The following ST3GAL3 variants were observed in gnomAD, a reference collection of about 807,000 sequenced individuals.
ST3GAL3 encodes the protein ST3 beta-galactoside alpha-2,3-sialyltransferase 3.
In ST3GAL3, 21 loss-of-function variants were observed where a neutral mutation model predicts 50.1. The ratio of observed to expected loss-of-function variants is 0.42; its 90% CI spans 0.30 to 0.60. The LOEUF (loss-of-function observed/expected upper bound fraction) is 0.60, where lower values mean the gene tolerates loss of function less well. ST3GAL3 is among the 20% of genes least tolerant of loss of function. The pLI is 0.19. For missense variants in ST3GAL3, 353 were observed against 489.4 expected (o/e 0.72, Z 2.63); for synonymous variants, 183 against 190.0 (o/e 0.96, Z 0.30).
chr1:43,898,463 C>G (rs138921325), intron 7 of ST3GAL3, 165 bp downstream of exon 7: 3 of 724,218 alleles, frequency 4.1e-6, no homozygotes, highest in South Asian at 1.5e-5. Context: ...TGGAACCACT[C>G]CACCTGACTT....
At chr1:43,786,035 C>T (rs895171850) in intron 2 of ST3GAL3, among the ~76,000 whole-genome samples, 7 of 152,148 alleles carry the variant, frequency 4.6e-5, no homozygotes, top group African/African-American at 1.2e-4. Context: ...TGGCATTTCT[C>T]CTTTTTTCTC....
At chr1:43,879,976 G>A (rs1468608298) in intron 5 of ST3GAL3, among the ~76,000 whole-genome samples, 3 of 152,190 alleles carry the variant, frequency 2.0e-5, no homozygotes, top group Non-Finnish European at 4.4e-5. Context: ...CAGCCTTGGC[G>A]CTACTGTGGC....
intron 4 of ST3GAL3, among the ~76,000 whole-genome samples, chr1:43,817,724 TCCTCCTCCCCCTCCTCCTC>T (rs2061538635): frequency 8.8e-6 from 1 of 114,242 alleles, no homozygotes; most frequent in African/African-American, 3.1e-5. Context: ...CTCCTCCTTC[TCCTCCTCCCCCTCCTCCTC>T]CTTCTTCCTC....
chr1:43,891,144 A>C (rs1394614266), intron 5 of ST3GAL3, among the ~76,000 whole-genome samples: 1 of 152,236 alleles, frequency 6.6e-6, no homozygotes, highest in African/African-American at 2.4e-5. Flanking sequence ...GAAATGTACA[A>C]GATCAGCCTC....
chr1:43,894,171 A>C, intron 5 of ST3GAL3: 1 of 606,808 alleles, frequency 1.6e-6, no homozygotes, highest in Non-Finnish European at 3.0e-6. Context: ...ATAAAGACTG[A>C]CCAGGCCTAC....
At position 43,734,297 on chromosome 1, in the gene ST3GAL3, C is replaced by CTTTTTTTTTTTTTTTTTTTTTTTTTTTTT. The variant is rs751937263; in HGVS notation, c.-30-1926_-30-1925insTTTTTTTTTTTTTTTTTTTTTTTTTTTTT. On this transcript the variant is annotated intron_variant, in intron 1 of 11. Coordinates refer to ENST00000347631, the MANE Select transcript of ST3GAL3 (RefSeq NM_006279.5). ...TTTCTTCTCTTTCTTTCTTCTTCTT[C>CTTTTTTTTTTTTTTTTTTTTTTTTTTTTT]TTTTTTTTTTGTTTTTTTTTTTTTT... Among the ~76,000 whole-genome samples, 18 of 114,422 alleles carry CTTTTTTTTTTTTTTTTTTTTTTTTTTTTT rather than the reference C, an allele frequency of 1.6e-4. 3 individuals are homozygous for CTTTTTTTTTTTTTTTTTTTTTTTTTTTTT. Among genetic ancestry groups the CTTTTTTTTTTTTTTTTTTTTTTTTTTTTT allele is most frequent in the South Asian group, 3.0e-4 (1 of 3,364 alleles). The allele number at this position is 114,422 out of a possible 152,430, so 75.1% of individuals were successfully genotyped here. A position where few individuals can be genotyped will look rare whatever the true frequency, so the allele number is the denominator to read the frequency against.
intron 2 of ST3GAL3, among the ~76,000 whole-genome samples, chr1:43,744,655 AAAATAAATAAAT>A (rs71036638): frequency 2.1e-5 from 3 of 140,944 alleles, no homozygotes; most frequent in Non-Finnish European, 3.0e-5. Context: ...TCCCTCTCAA[AAAATAAATAAAT>A]AAATAAATAA....
intron 9 of ST3GAL3, chr1:43,916,767 G>A (rs1355323167): frequency 6.6e-6 from 1 of 152,038 alleles, no homozygotes; most frequent in Non-Finnish European, 1.5e-5. Flanking sequence ...TAAAGACATT[G>A]TCTCACTATA....
chr1:43,743,438 A>G (rs1681972475), intron 2 of ST3GAL3: 3 of 350,480 alleles, frequency 8.6e-6, no homozygotes, highest in African/African-American at 4.3e-5. Context: ...CCTGTGGCCC[A>G]TGAAATGCCA....
intron 5 of ST3GAL3, among the ~76,000 whole-genome samples, chr1:43,883,120 G>A (rs541801099): frequency 2.8e-4 from 43 of 152,104 alleles, no homozygotes; most frequent in Admixed American, 1.6e-3. Context: ...GCACTACCAT[G>A]ACTGGCTAAA....
chr1:43,922,991 A>T (rs1162242102), intron 11 of ST3GAL3, among the ~76,000 whole-genome samples: 2 of 151,848 alleles, frequency 1.3e-5, no homozygotes, highest in African/African-American at 4.8e-5. Context: ...GTCCCAGCTG[A>T]GGAAGGAGAA....
intron 9 of ST3GAL3, chr1:43,918,956 ATC>A (rs2082541564): frequency 6.6e-6 from 1 of 150,880 alleles, no homozygotes; most frequent in Non-Finnish European, 1.5e-5. Flanking sequence ...TGCAAATAAG[ATC>A]TTTTTGTTAT....
chr1:43,928,978 G>A (rs935139387), intron 11 of ST3GAL3, among the ~76,000 whole-genome samples: 2 of 152,142 alleles, frequency 1.3e-5, no homozygotes, highest in Non-Finnish European at 2.9e-5. Context: ...GCAACAGAGA[G>A]GTCACTTGGG....
chr1:43,718,480 C>T (rs532133298), intron 1 of ST3GAL3, among the ~76,000 whole-genome samples: 4 of 151,686 alleles, frequency 2.6e-5, no homozygotes, highest in Admixed American at 2.0e-4. Flanking sequence ...TGAGCCACTG[C>T]GCCTGTCTAT....
intron 2 of ST3GAL3, chr1:43,736,753 G>A: frequency 3.0e-6 from 1 of 335,048 alleles, no homozygotes; most frequent in Non-Finnish European, 5.8e-6. Context: ...ATTGAAGTTG[G>A]TTTCCATCTG....
At chr1:43,898,086 G>A (rs2077651907) in intron 6 of ST3GAL3, 149 bp from the exon 7 acceptor site, 4 of 810,396 alleles carry the variant, frequency 4.9e-6, no homozygotes, top group Non-Finnish European at 8.2e-6. Context: ...TCAGGGCAGT[G>A]GCCCAATACA....
intron 1 of ST3GAL3, chr1:43,709,683 A>T (rs572322578): frequency 6.6e-6 from 1 of 152,122 alleles, no homozygotes; most frequent in Non-Finnish European, 1.5e-5. Context: ...TCTACCAAAA[A>T]AAAAATACAA....
chr1:43,750,019 TC>T (rs1685415394), intron 2 of ST3GAL3, among the ~76,000 whole-genome samples: 2 of 152,210 alleles, frequency 1.3e-5, no homozygotes, highest in Admixed American at 6.5e-5. Context: ...AAAATAAATT[TC>T]TTTTTTTTCA....
At chr1:43,750,443 A>G (rs1437151790) in intron 2 of ST3GAL3, among the ~76,000 whole-genome samples, 1 of 152,230 alleles carries the variant, frequency 6.6e-6, no homozygotes, top group Non-Finnish European at 1.5e-5. Context: ...TAAGTAAAAC[A>G]AATATACACC....
Sources: gnomAD v4.1 joint callset for allele counts (sites outside exome capture counted in the v4.1 genomes callset) on GRCh38, gnomAD v4.1.1 for gene constraint, MANE v1.5 for transcripts, NCBI Gene and HGNC (gene_info 2026-07-23, HGNC 2026-07-21) for gene names.